XRCC4: variants seen among roughly 807,000 people sequenced by gnomAD.
XRCC4 encodes the protein X-ray repair cross complementing 4.
XRCC4 carries 28 observed loss-of-function variants against 39.1 expected under a neutral mutation model. The ratio of observed to expected loss-of-function variants is 0.72; its 90% CI spans 0.53 to 0.98. The LOEUF (loss-of-function observed/expected upper bound fraction) is 0.98. Ranked by LOEUF, XRCC4 falls within the 50% of genes least tolerant of loss-of-function variation. XRCC4 has a pLI of 0.00. For missense variants in XRCC4, 350 were observed against 376.4 expected (o/e 0.93, Z 0.58); for synonymous variants, 123 against 126.4 (o/e 0.97, Z 0.18).
At chr5:83,350,431 T>A (rs1484406638) in intron 7 of XRCC4, among the ~76,000 whole-genome samples, 2 of 152,228 alleles carry the variant, frequency 1.3e-5, no homozygotes, top group Admixed American at 6.5e-5. Context: ...GCATATATTA[T>A]TATTTGACTT....
chr5:83,218,379 T>G (rs569669022), intron 6 of XRCC4, among the ~76,000 whole-genome samples: 1 of 151,996 alleles, frequency 6.6e-6, no homozygotes, highest in Admixed American at 6.6e-5. Flanking sequence ...AATCCTGTGT[T>G]AGATGGTTTC....
intron 7 of XRCC4, among the ~76,000 whole-genome samples, chr5:83,340,229 T>A (rs1342310818): frequency 6.6e-6 from 1 of 151,460 alleles, no homozygotes; most frequent in Non-Finnish European, 1.5e-5. Context: ...TTCAGCATAT[T>A]GGAATAATAA....
At chr5:83,297,087 A>G (rs539512790) in intron 7 of XRCC4, among the ~76,000 whole-genome samples, 83 of 152,074 alleles carry the variant, frequency 5.5e-4, no homozygotes, top group Non-Finnish European at 1.0e-3. Flanking sequence ...CAGGGCAATC[A>G]TATATGCATA....
At chr5:83,239,282 G>A (rs1405430706) in intron 6 of XRCC4, among the ~76,000 whole-genome samples, 2 of 152,190 alleles carry the variant, frequency 1.3e-5, no homozygotes, top group Admixed American at 1.3e-4. Context: ...AGTAGCAAGT[G>A]TTAACATGGT....
intron 6 of XRCC4, among the ~76,000 whole-genome samples, chr5:83,218,484 G>A (rs892925973): frequency 6.6e-6 from 1 of 151,912 alleles, no homozygotes; most frequent in Non-Finnish European, 1.5e-5. Context: ...AAGAGGACAT[G>A]TACTAAATAT....
chr5:83,192,768 A>G (rs1167544742), intron 3 of XRCC4, among the ~76,000 whole-genome samples: 3 of 152,002 alleles, frequency 2.0e-5, no homozygotes, highest in Non-Finnish European at 4.4e-5. Context: ...CTACAAAAAA[A>G]CTCTTAATTT....
intron 3 of XRCC4, among the ~76,000 whole-genome samples, chr5:83,133,852 C>G (rs1306827228): frequency 6.6e-6 from 1 of 152,200 alleles, no homozygotes; most frequent in Admixed American, 6.5e-5. Context: ...TCTGGCTGCA[C>G]TTGAGGAGCC....
intron 6 of XRCC4, among the ~76,000 whole-genome samples, chr5:83,219,128 T>G (rs1353927601): frequency 6.6e-6 from 1 of 152,136 alleles, no homozygotes; most frequent in Non-Finnish European, 1.5e-5. Context: ...TTTTCTTCCT[T>G]CTATACCTAT....
At chr5:83,136,043 A>C (rs879723382) in intron 3 of XRCC4, among the ~76,000 whole-genome samples, 5 of 152,212 alleles carry the variant, frequency 3.3e-5, no homozygotes, top group Non-Finnish European at 5.9e-5. Flanking sequence ...ATTTAGAAAC[A>C]GTTATACTTT....
intron 3 of XRCC4, among the ~76,000 whole-genome samples, chr5:83,187,130 A>T (rs1750486267): frequency 1.2e-5 from 1 of 82,546 alleles, no homozygotes; most frequent in African/African-American, 5.3e-5. Context: ...TTTTTAGTAG[A>T]GGCGGGGTTT....
intron 3 of XRCC4, among the ~76,000 whole-genome samples, chr5:83,151,853 T>G (rs1375584257): frequency 1.3e-5 from 2 of 152,202 alleles, no homozygotes; most frequent in Non-Finnish European, 2.9e-5. Context: ...AAGGTTTAAC[T>G]TTTATTATAC....
At chr5:83,103,322 A>T (rs1193086396) in intron 1 of XRCC4, among the ~76,000 whole-genome samples, 1 of 151,868 alleles carries the variant, frequency 6.6e-6, no homozygotes, top group Non-Finnish European at 1.5e-5. Flanking sequence ...CTTAGATCTG[A>T]CTCCCTTCTA....
chr5:83,079,356 G>A (rs1744830375), intron 1 of XRCC4, among the ~76,000 whole-genome samples: 1 of 152,004 alleles, frequency 6.6e-6, no homozygotes, highest in African/African-American at 2.4e-5. Flanking sequence ...TTGGGAGGTG[G>A]TAGTTTAGCT....
At chr5:83,136,402 A>C (rs1747900375) in intron 3 of XRCC4, among the ~76,000 whole-genome samples, 1 of 152,148 alleles carries the variant, frequency 6.6e-6, no homozygotes. Context: ...CATTCCATGC[A>C]CATAAGACAT....
intron 3 of XRCC4, among the ~76,000 whole-genome samples, chr5:83,128,290 G>A (rs1030013516): frequency 6.6e-6 from 1 of 152,074 alleles, no homozygotes; most frequent in African/African-American, 2.4e-5. Context: ...ATGTCCCTAC[G>A]AAGGATATGA....
chr5:83,316,521 A>G (rs1161583075), intron 7 of XRCC4, among the ~76,000 whole-genome samples: 1 of 151,120 alleles, frequency 6.6e-6, no homozygotes, highest in Non-Finnish European at 1.5e-5. Context: ...TACCAAGCCA[A>G]TGGAAAACAA....
intron 3 of XRCC4, among the ~76,000 whole-genome samples, chr5:83,192,319 A>ATTTTTTT (rs1554063299): frequency 0.012 from 1,689 of 143,490 alleles, 37 homozygotes; most frequent in East Asian, 0.067. Context: ...ATATATATAT[A>ATTTTTTT]TTTTTTTGAG....
At chr5:83,269,523 G>C (rs1754065550) in intron 7 of XRCC4, among the ~76,000 whole-genome samples, 1 of 151,398 alleles carries the variant, frequency 6.6e-6, no homozygotes, top group Non-Finnish European at 1.5e-5. Context: ...ATTAACCAAG[G>C]ATGGATGCAC....
At chr5:83,304,427 C>A (rs1329790311) in intron 7 of XRCC4, among the ~76,000 whole-genome samples, 1 of 152,112 alleles carries the variant, frequency 6.6e-6, no homozygotes, top group African/African-American at 2.4e-5. Context: ...GCTCTCTTAC[C>A]TGAATTCTAC....
Sources: gnomAD v4.1 joint callset for allele counts (sites outside exome capture counted in the v4.1 genomes callset) on GRCh38, gnomAD v4.1.1 for gene constraint, MANE v1.5 for transcripts, NCBI Gene and HGNC (gene_info 2026-07-23, HGNC 2026-07-21) for gene names.